The following TXNDC16 variants were observed in gnomAD, a reference collection of about 807,000 sequenced individuals.
The protein encoded by TXNDC16 is thioredoxin domain-containing protein 16.
Under a neutral mutation model 85.6 loss-of-function variants are expected in TXNDC16, and 74 were observed. That is an observed-to-expected ratio of 0.86 (90% CI 0.72 to 1.05). TXNDC16 has a LOEUF of 1.05. Among genes scored for constraint, TXNDC16 ranks in the 50% least tolerant of loss-of-function variants. The pLI is 0.00. For synonymous variants in TXNDC16, 335 were observed against 326.5 expected (o/e 1.03, Z -0.28); for missense variants, 959 against 947.0 (o/e 1.01, Z -0.17).
At chr14:52,538,916 G>A (rs1341822350) in intron 4 of TXNDC16, among the ~76,000 whole-genome samples, 1 of 152,130 alleles carries the variant, frequency 6.6e-6, no homozygotes, top group African/African-American at 2.4e-5. Context: ...ATTAAAGTCA[G>A]ACTATAGCCA....
At chr14:52,442,986 C>A (rs2035200376) in intron 18 of TXNDC16, among the ~76,000 whole-genome samples, 1 of 151,980 alleles carries the variant, frequency 6.6e-6, no homozygotes, top group Admixed American at 6.6e-5. Flanking sequence ...CGAAATTAAA[C>A]AAGCTAAAAA....
Position 52,514,966 on chromosome 14 carries a change from G to A in TXNDC16, c.519C>T (p.His173=), listed in dbSNP as rs1301856806. 1.9e-6 allele frequency: 3 copies of A among 1,610,094 alleles called. No homozygotes were observed. The highest frequency in any genetic ancestry group is 2.5e-6 in the Non-Finnish European group (3 of 1,177,772). ...CAAAAGCGGCTTCCATGACTGCTCT[G>A]TGCTCTGAAGAAGAGATAAAGGGAG... The part of the protein sequence containing the change: ...SYVRAIGIPE[H]RAVMEAAFVY... The change falls in exon 8 of 21, where the codon CAC becomes CAT. Residue 173 remains histidine (H), a synonymous_variant. Coordinates refer to ENST00000281741, the MANE Select transcript of TXNDC16 (RefSeq NM_020784.3).
intron 1 of TXNDC16, among the ~76,000 whole-genome samples, chr14:52,546,605 A>C (rs917947398): frequency 1.3e-5 from 2 of 152,228 alleles, no homozygotes; most frequent in Admixed American, 1.3e-4. Flanking sequence ...CAGTCAAGAG[A>C]AATGCCCAAA....
chr14:52,482,198 G>A, intron 14 of TXNDC16, 32 bp downstream of exon 14: 2 of 1,553,160 alleles, frequency 1.3e-6, no homozygotes, highest in Non-Finnish European at 1.7e-6. Context: ...CTTAGAATCA[G>A]AATAATAAGC....
chr14:52,530,407 AT>A (rs1308959912), intron 6 of TXNDC16, among the ~76,000 whole-genome samples: 88 of 5,024 alleles, frequency 0.018, 16 homozygotes, highest in East Asian at 0.12. Context: ...ATAATATATA[AT>A]TATTATATAA....
rs1459122907 is a variant in TXNDC16 at position 52,494,305 on chromosome 14, T to C, written c.757-3300A>G. Among the ~76,000 whole-genome samples, 3 of 152,248 alleles carry C rather than the reference T, an allele frequency of 2.0e-5. No homozygotes were observed. In the East Asian group the frequency reaches 5.8e-4, roughly 29 times the overall value. ...ATTCCTTTGGTTACGTGACATTACATAGAAGTCTGCTGTAACACACTCAAG... is the reference window on the plus strand; with the variant it reads ...ATTCCTTTGGTTACGTGACATTACACAGAAGTCTGCTGTAACACACTCAAG... On this transcript the variant is annotated intron_variant, in intron 9 of 20. Coordinates refer to ENST00000281741, the MANE Select transcript of TXNDC16 (RefSeq NM_020784.3).
intron 1 of TXNDC16, among the ~76,000 whole-genome samples, chr14:52,549,720 T>G (rs927168920): frequency 1.1e-4 from 16 of 150,930 alleles, no homozygotes; most frequent in Non-Finnish European, 2.1e-4. Context: ...TGACTGCAAG[T>G]TCTGCCTCCC....
chr14:52,491,337 A>G lies in TXNDC16; in HGVS notation c.757-332T>C, dbSNP rs1271847710. Among the ~76,000 whole-genome samples, 3 of 142,178 alleles carry G rather than the reference A, an allele frequency of 2.1e-5. No homozygotes were observed. In the East Asian group the frequency reaches 6.2e-4, roughly 29 times the overall value. The allele number at this position is 142,178 out of a possible 152,430, so 93.3% of individuals were successfully genotyped here. ...GCTGAGACCACAGGTGCACACCACC[A>G]TGCCTAGCTTTTTTTTTTTTTTTTT... On this transcript the variant is annotated intron_variant, in intron 9 of 20. Transcript: ENST00000281741.
intron 6 of TXNDC16, among the ~76,000 whole-genome samples, chr14:52,529,631 TATA>T (rs1304478447): frequency 1.9e-5 from 2 of 103,684 alleles, no homozygotes; most frequent in African/African-American, 8.6e-5. Context: ...ATATATTATA[TATA>T]ATGCCTATTA....
intron 20 of TXNDC16, among the ~76,000 whole-genome samples, chr14:52,438,151 T>C (rs574430168): frequency 1.4e-4 from 21 of 152,366 alleles, no homozygotes; most frequent in Admixed American, 3.3e-4. Context: ...GAAAATGCTA[T>C]GAACATCGTT....
At chr14:52,438,960 A>G (rs2035099423) in intron 20 of TXNDC16, among the ~76,000 whole-genome samples, 1 of 152,212 alleles carries the variant, frequency 6.6e-6, no homozygotes, top group Admixed American at 6.5e-5. Context: ...ATGTTTGAAT[A>G]CACTGGTGAT....
chr14:52,508,598 T>C (rs1011773749), intron 9 of TXNDC16, among the ~76,000 whole-genome samples: 6 of 152,178 alleles, frequency 3.9e-5, no homozygotes, highest in African/African-American at 9.7e-5. Context: ...AACATGCTGC[T>C]ATAAAGACAC....
chr14:52,473,854 G>T (rs1344922100), intron 14 of TXNDC16, among the ~76,000 whole-genome samples: 2 of 152,024 alleles, frequency 1.3e-5, no homozygotes, highest in Admixed American at 6.6e-5. Flanking sequence ...CACAAAGTCA[G>T]ATCTGTCAGA....
chr14:52,533,698 C>A (rs931467954), intron 6 of TXNDC16, among the ~76,000 whole-genome samples: 1 of 152,154 alleles, frequency 6.6e-6, no homozygotes, highest in Admixed American at 6.6e-5. Flanking sequence ...GGAATGACCA[C>A]AGGCAAGGGT....
At chr14:52,501,323 A>G (rs1286452763) in intron 9 of TXNDC16, among the ~76,000 whole-genome samples, 1 of 152,220 alleles carries the variant, frequency 6.6e-6, no homozygotes, top group Non-Finnish European at 1.5e-5. Flanking sequence ...TCATATGCTT[A>G]GAAGTGAACT....
chr14:52,491,187 T>C (rs2036396506), intron 9 of TXNDC16, among the ~76,000 whole-genome samples, 182 bp from the exon 10 acceptor site: 1 of 151,806 alleles, frequency 6.6e-6, no homozygotes, highest in African/African-American at 2.4e-5. Context: ...TATAGTTTTG[T>C]TTGTTTGTTT....
chr14:52,533,633 AC>A (rs917560189), intron 6 of TXNDC16, among the ~76,000 whole-genome samples: 1 of 152,224 alleles, frequency 6.6e-6, no homozygotes, highest in Non-Finnish European at 1.5e-5. Flanking sequence ...GAAAGTGCAA[AC>A]AAGATGCAAA....
At chr14:52,444,190 G>A (rs1286757930) in intron 18 of TXNDC16, among the ~76,000 whole-genome samples, 1 of 152,128 alleles carries the variant, frequency 6.6e-6, no homozygotes, top group Non-Finnish European at 1.5e-5. Context: ...TACTTGGAAG[G>A]TGACCTTTGG....
At chr14:52,516,559 C>T (rs935334196) in intron 7 of TXNDC16, among the ~76,000 whole-genome samples, 15 of 152,156 alleles carry the variant, frequency 9.9e-5, no homozygotes, top group African/African-American at 2.7e-4. Context: ...CAAAATAGGA[C>T]GTCTTAGTGT....
Sources: allele counts gnomAD v4.1 joint callset (sites outside exome capture counted in the v4.1 genomes callset), GRCh38; gene constraint gnomAD v4.1.1; transcripts MANE v1.5; gene names NCBI Gene and HGNC (gene_info 2026-07-23, HGNC 2026-07-21).